The following RC3H2 variants were observed in gnomAD, a reference collection of about 807,000 sequenced individuals.
RC3H2 encodes the protein roquin-2.
In RC3H2, 31 loss-of-function variants were observed where a neutral mutation model predicts 133.3. The ratio of observed to expected loss-of-function variants is 0.23; its 90% CI spans 0.17 to 0.31. The LOEUF (loss-of-function observed/expected upper bound fraction) is 0.31. RC3H2 is among the 10% of genes least tolerant of loss of function. The pLI is 1.00. For missense variants in RC3H2, 1,175 were observed against 1,437.2 expected (o/e 0.82, Z 2.95); for synonymous variants, 517 against 502.2 (o/e 1.03, Z -0.40).
chr9:122,878,860 T>C lies in RC3H2; in HGVS notation c.1212+895A>G, dbSNP rs1232929537. On this transcript the variant is annotated intron_variant, in intron 8 of 20. Transcript: ENST00000357244. ...ATCTCCCGGGTTCAAGCGATTCTCC[T>C]GACTCAGCCGTCTCAGTAGTTGGGA... Among the ~76,000 whole-genome samples, 6 of 151,344 alleles carry C rather than the reference T, an allele frequency of 4.0e-5. No homozygotes were observed. The East Asian group carries it at 9.9e-4, about 25-fold the overall frequency.
intron 5 of RC3H2, 62 bp downstream of exon 5, chr9:122,883,142 G>T: frequency 6.7e-7 from 1 of 1,488,232 alleles, no homozygotes; most frequent in South Asian, 1.2e-5. Flanking sequence ...TGGGTAACAT[G>T]AATTTCAGGA....
chr9:122,855,368 T>G lies in RC3H2; in HGVS notation c.2631A>C (p.Arg877Ser). The G allele has an allele frequency of 6.2e-7, 1 of 1,613,692 alleles. No homozygotes were observed. The highest frequency in any genetic ancestry group is 8.5e-7 in the Non-Finnish European group (1 of 1,180,008). ...MDLDSGDVKR[R>S]VHLFETQRRT... ...TTCTCTGGGTTTCAAATAAATGTACTCTTCTCTTAACATCACCACTGTCCA... is the reference window on the plus strand; with the variant it reads ...TTCTCTGGGTTTCAAATAAATGTACGCTTCTCTTAACATCACCACTGTCCA... Residue 877 changes from arginine (R) to serine (S), a missense_variant, in exon 15 of 21, where the codon AGA becomes AGC. Arg to Ser is a moderately radical substitution (Grantham distance 110). Around this residue, in one of 8 missense-constraint regions of RC3H2, gnomAD observed 138 missense variants for 215.0 expected, o/e 0.64. Coordinates refer to ENST00000357244, the MANE Select transcript of RC3H2 (RefSeq NM_001100588.3).
Position 122,851,568 on chromosome 9 carries a change from T to A in RC3H2, c.3118-132A>T, listed in dbSNP as rs1024339225. On this transcript the variant is annotated intron_variant, in intron 18 of 20. Transcript: ENST00000357244. ...CCGAGCCGAAGCTGGACTATACTGC[T>A]GCCATCTCGGCTCACTGCAACCTCC... The A allele has an allele frequency of 8.9e-6, 11 of 1,239,402 alleles. No homozygotes were observed. In the Admixed American group the frequency reaches 2.8e-4, roughly 32 times the overall value. 76.8% of individuals were successfully genotyped at this position (1,239,402 alleles called of 1,614,324 possible). A position where few individuals can be genotyped will look rare whatever the true frequency, so the allele number is the denominator to read the frequency against.
intron 9 of RC3H2, among the ~76,000 whole-genome samples, chr9:122,872,998 A>G (rs1275860191): frequency 6.6e-6 from 1 of 152,222 alleles, no homozygotes; most frequent in Non-Finnish European, 1.5e-5. Flanking sequence ...TATTTACATA[A>G]TATTTATTCT....
chr9:122,883,128 A>G, intron 5 of RC3H2, 76 bp downstream of exon 5: 1 of 1,402,134 alleles, frequency 7.1e-7, no homozygotes, highest in Non-Finnish European at 9.9e-7. Flanking sequence ...TAGGGCCTCT[A>G]GACTGGGTAA....
chr9:122,884,409 A>G (rs2131470356), intron 4 of RC3H2, among the ~76,000 whole-genome samples: 1 of 152,346 alleles, frequency 6.6e-6, no homozygotes, highest in East Asian at 1.9e-4. Flanking sequence ...GCCTGTCAGA[A>G]CTATTTTGTA....
At position 122,846,471 on chromosome 9, in the gene RC3H2, A is replaced by G. The variant is rs376522200; in HGVS notation, c.*3156T>C. 1 of 152,184 alleles carries G rather than the reference A, an allele frequency of 6.6e-6. No individual in the cohort carries two copies. The highest frequency in any genetic ancestry group is 1.9e-4 in the East Asian group (1 of 5,204). The allele number at this position is 152,184 out of a possible 1,614,324, so 9.4% of individuals were successfully genotyped here. The stretch of plus-strand genomic sequence containing the variant: ...CAGGTACCAACTAGAAAAAATATAT[A>G]TGTAACTTCCTCTGAATTCATAAAA... On this transcript the variant is annotated 3_prime_UTR_variant, in exon 21 of 21. Coordinates refer to ENST00000357244, the MANE Select transcript of RC3H2 (RefSeq NM_001100588.3).
chr9:122,867,523 G>A lies in RC3H2; in HGVS notation c.1326-1866C>T, dbSNP rs1428420892. ...ATGTGAGGGGCGCCTCTGCCCGGCC[G>A]CCTATCGTCTGGGACGTGAGGAGCC... On this transcript the variant is annotated intron_variant, in intron 9 of 20. Transcript: ENST00000357244. Among the ~76,000 whole-genome samples the A allele has an allele frequency of 3.4e-3, 64 of 18,866 alleles. 6 individuals carry two copies. The highest frequency in any genetic ancestry group is 6.1e-3 in the African/African-American group (60 of 9,786). The allele number at this position is 18,866 out of a possible 152,430, so 12.4% of individuals were successfully genotyped here.
intron 9 of RC3H2, among the ~76,000 whole-genome samples, chr9:122,867,302 G>A (rs1241055509): frequency 5.3e-5 from 5 of 94,824 alleles, no homozygotes; most frequent in Admixed American, 1.0e-4. Context: ...CCCCCCGCCC[G>A]GCCAGCCGCC....
At chr9:122,880,542 C>G in intron 6 of RC3H2, 52 bp downstream of exon 6, 1 of 1,364,804 alleles carries the variant, frequency 7.3e-7, no homozygotes. Flanking sequence ...TATTCTAATA[C>G]TCTTCAATGT....
chr9:122,878,305 T>TACA (rs1417970461), intron 8 of RC3H2, among the ~76,000 whole-genome samples: 2 of 152,072 alleles, frequency 1.3e-5, no homozygotes, highest in Non-Finnish European at 2.9e-5. Context: ...CTTGCTCTGT[T>TACA]GCCCAGGCTG....
At chr9:122,858,114 C>T in intron 12 of RC3H2, 21 bp from the exon 13 acceptor site, 1 of 1,608,738 alleles carries the variant, frequency 6.2e-7, no homozygotes, top group Non-Finnish European at 8.5e-7. Context: ...ATAAAAGAAA[C>T]AATCTTAATC....
At chr9:122,884,171 T>C (rs1404459444) in intron 4 of RC3H2, among the ~76,000 whole-genome samples, 1 of 152,038 alleles carries the variant, frequency 6.6e-6, no homozygotes, top group Non-Finnish European at 1.5e-5. Context: ...CAGGCACCTG[T>C]AGTCCCAGTT....
At chr9:122,850,270 T>C (rs927984389) in intron 20 of RC3H2, among the ~76,000 whole-genome samples, 2 of 151,678 alleles carry the variant, frequency 1.3e-5, no homozygotes, top group Non-Finnish European at 2.9e-5. Flanking sequence ...CCACCACTCC[T>C]GGCTTGAAAA....
chr9:122,862,844 G>A (rs868216343), intron 10 of RC3H2, among the ~76,000 whole-genome samples: 5 of 127,704 alleles, frequency 3.9e-5, no homozygotes, highest in Non-Finnish European at 7.7e-5. Flanking sequence ...GCAGTGAGCC[G>A]AAATCGCACC....
At chr9:122,852,179 C>T (rs1205439502) in intron 18 of RC3H2, among the ~76,000 whole-genome samples, 3 of 151,698 alleles carry the variant, frequency 2.0e-5, no homozygotes, top group Non-Finnish European at 2.9e-5. Flanking sequence ...AATGCCTCTG[C>T]CCGGCCGCCA....
chr9:122,893,053 G>A, intron 2 of RC3H2, 27 bp from the exon 3 acceptor site: 1 of 1,579,592 alleles, frequency 6.3e-7, no homozygotes, highest in Non-Finnish European at 8.6e-7. Context: ...AAGGAATATT[G>A]CAGAAATACA....
rs1829850404 is a variant in RC3H2 at position 122,845,529 on chromosome 9, T to A, written c.*4098A>T. 6.6e-6 allele frequency: 1 copy of A among 152,138 alleles called. No individual in the cohort carries two copies. Among genetic ancestry groups the A allele is most frequent in the East Asian group, 1.9e-4 (1 of 5,192 alleles). The allele number at this position is 152,138 out of a possible 1,614,324, so 9.4% of individuals were successfully genotyped here. On this transcript the variant is annotated 3_prime_UTR_variant, in exon 21 of 21. Coordinates refer to ENST00000357244, the MANE Select transcript of RC3H2 (RefSeq NM_001100588.3). ...GTGTTCCACTGGTTTGGGAATATTT[T>A]AAAAATTTTATTAAAAAAAAGAAAA...
intron 9 of RC3H2, among the ~76,000 whole-genome samples, chr9:122,876,558 G>A (rs1831346862): frequency 6.6e-6 from 1 of 151,318 alleles, no homozygotes; most frequent in African/African-American, 2.4e-5. Flanking sequence ...AACAGGGGAG[G>A]CAGAGGTTGC....
Sources: gnomAD v4.1 joint callset for allele counts (sites outside exome capture counted in the v4.1 genomes callset) on GRCh38, gnomAD v4.1.1 for gene constraint, gnomAD v4.1.1 regional missense constraint, MANE v1.5 for transcripts, NCBI Gene and HGNC (gene_info 2026-07-23, HGNC 2026-07-21) for gene names.